The following PTTG1IP variants were observed in gnomAD, a reference collection of about 807,000 sequenced individuals.
The protein encoded by PTTG1IP is pituitary tumor-transforming gene 1 protein-interacting protein.
In PTTG1IP, 16 loss-of-function variants were observed where a neutral mutation model predicts 24.4. The ratio of observed to expected loss-of-function variants is 0.66; its 90% CI spans 0.44 to 1.00. The LOEUF (loss-of-function observed/expected upper bound fraction) is 1.00, where lower values mean the gene tolerates loss of function less well. Among genes scored for constraint, PTTG1IP ranks in the 50% least tolerant of loss-of-function variants. The probability of loss-of-function intolerance (pLI) is 0.00; values close to 1 mark genes in which losing one functional copy is unlikely to be tolerated. For missense variants in PTTG1IP, 241 were observed against 245.8 expected (o/e 0.98, Z 0.13); for synonymous variants, 89 against 96.8 (o/e 0.92, Z 0.47).
chr21:44,861,136 A>C (rs762401175), intron 3 of PTTG1IP, 27 bp downstream of exon 3: 41 of 1,583,158 alleles, frequency 2.6e-5, no homozygotes, highest in Non-Finnish European at 3.5e-5. Context: ...TCGATTTTGC[A>C]AGCAGCAAAT....
chr21:44,856,144 C>A, intron 4 of PTTG1IP, 49 bp downstream of exon 4: 2 of 1,613,508 alleles, frequency 1.2e-6, no homozygotes, highest in South Asian at 2.2e-5. Flanking sequence ...CCTTGCAGAT[C>A]TGAATCCCCT....
rs192517426 is a variant in PTTG1IP at position 44,858,290 on chromosome 21, A to G, written c.278-1926T>C. Among the ~76,000 whole-genome samples, 3 of 152,344 alleles carry G rather than the reference A, an allele frequency of 2.0e-5. No homozygotes were observed. The East Asian group carries it at 5.8e-4, about 29-fold the overall frequency. ...ATAAAATGGTTCTAAGGTTACCTGT[A>G]AGAATAAACAAGGACCTGTGGTGCA... On this transcript the variant is annotated intron_variant, in intron 3 of 5. Coordinates refer to ENST00000330938, the MANE Select transcript of PTTG1IP (RefSeq NM_004339.4).
chr21:44,852,025 T>G (rs143327815), intron 5 of PTTG1IP, among the ~76,000 whole-genome samples: 1 of 152,318 alleles, frequency 6.6e-6, no homozygotes, highest in African/African-American at 2.4e-5. Context: ...CAGAAAGAAC[T>G]AAGATGACCA....
At chr21:44,873,233 G>C (rs577523215) in intron 1 of PTTG1IP, among the ~76,000 whole-genome samples, 1 of 152,250 alleles carries the variant, frequency 6.6e-6, no homozygotes, top group Non-Finnish European at 1.5e-5. Context: ...CCGAGGCCAC[G>C]CGCGAGGAGC....
In PTTG1IP at chr21:44,856,295, C is replaced by T; in HGVS notation, c.347G>A (p.Cys116Tyr). 2 of 1,614,128 alleles carry T rather than the reference C, an allele frequency of 1.2e-6. No homozygotes were observed. Among genetic ancestry groups the T allele is most frequent in the Non-Finnish European group, 1.7e-6 (2 of 1,179,960 alleles). ...CTTCCTCCTGCAGCAGCAGCAGCAGCAGATGGCAATGCCCAGGAGGAGGGT... is the reference window on the plus strand; with the variant it reads ...CTTCCTCCTGCAGCAGCAGCAGCAGTAGATGGCAATGCCCAGGAGGAGGGT... ...GGTLLLGIAI[C>Y]CCCCCRRKRS... The change falls in exon 4 of 6, where the codon TGC becomes TAC. Residue 116 changes from cysteine to tyrosine, a missense_variant. Transcript: ENST00000330938.
chr21:44,869,977 C>T (rs2083571103), intron 1 of PTTG1IP, among the ~76,000 whole-genome samples: 1 of 152,224 alleles, frequency 6.6e-6, no homozygotes, highest in African/African-American at 2.4e-5. Flanking sequence ...ACACCGTCAA[C>T]TCCATCTATC....
At chr21:44,855,169 G>A (rs756578444) in intron 5 of PTTG1IP, 41 bp downstream of exon 5, 29 of 1,569,366 alleles carry the variant, frequency 1.8e-5, no homozygotes, top group African/African-American at 5.4e-5. Context: ...GCGTGCCATC[G>A]CCTCCCAACC....
At chr21:44,872,454 G>A (rs2083594978) in intron 1 of PTTG1IP, among the ~76,000 whole-genome samples, 1 of 152,170 alleles carries the variant, frequency 6.6e-6, no homozygotes, top group Non-Finnish European at 1.5e-5. Context: ...GCTGGGCCCA[G>A]GTCAACCCTA....
intron 2 of PTTG1IP, among the ~76,000 whole-genome samples, chr21:44,862,858 T>C (rs964604687): frequency 2.6e-5 from 4 of 152,334 alleles, no homozygotes; most frequent in Admixed American, 2.6e-4. Context: ...TCAGGGGTTT[T>C]GCTTGCAATT....
At chr21:44,858,683 G>A (rs1383369214) in intron 3 of PTTG1IP, among the ~76,000 whole-genome samples, 1 of 152,368 alleles carries the variant, frequency 6.6e-6, no homozygotes, top group East Asian at 1.9e-4. Flanking sequence ...GCAGGGCTGG[G>A]TGTTGTGTGT....
At position 44,873,617 on chromosome 21, in the gene PTTG1IP, G is replaced by A. The variant is rs764476945; in HGVS notation, c.-1C>T. The stretch of plus-strand genomic sequence containing the variant: ...GCCCGCGGGCCACTCCGGGCGCCAT[G>A]GTCGGCCGGTCGCTCTATCAGTCAG... On this transcript the variant is annotated 5_prime_UTR_variant, in exon 1 of 6. Transcript: ENST00000330938. 2.1e-6 allele frequency: 3 copies of A among 1,424,722 alleles called. No homozygotes were observed. The highest frequency in any genetic ancestry group is 2.7e-6 in the Non-Finnish European group (3 of 1,091,252). 88.3% of individuals were successfully genotyped at this position (1,424,722 alleles called of 1,614,324 possible).
chr21:44,857,585 C>T (rs574046683), intron 3 of PTTG1IP, among the ~76,000 whole-genome samples: 3 of 152,346 alleles, frequency 2.0e-5, no homozygotes, highest in African/African-American at 4.8e-5. Flanking sequence ...TTTTTAACTA[C>T]AGTTAATAGC....
chr21:44,870,291 A>G (rs9984246), intron 1 of PTTG1IP, among the ~76,000 whole-genome samples: 15,325 of 152,242 alleles, frequency 0.1, 2,535 homozygotes, highest in African/African-American at 0.35. Context: ...CTGTAATCCC[A>G]AAACTTTGGG....
chr21:44,851,697 A>C lies in PTTG1IP; in HGVS notation c.497-70T>G. The C allele has an allele frequency of 2.0e-6, 3 of 1,495,748 alleles. No individual in the cohort carries two copies. The South Asian group carries it at 4.0e-5, about 20-fold the overall frequency. 92.7% of individuals were successfully genotyped at this position (1,495,748 alleles called of 1,614,324 possible). Reference sequence around the variant, plus strand: ...GAAACAAAATCTTAGAAAGCCATACAAACCAAGCTTTATAAGAAGATTTAC... The same window carrying C: ...GAAACAAAATCTTAGAAAGCCATACCAACCAAGCTTTATAAGAAGATTTAC... On this transcript the variant is annotated intron_variant, in intron 5 of 5. Transcript: ENST00000330938.
At chr21:44,859,873 G>A (rs1337596685) in intron 3 of PTTG1IP, among the ~76,000 whole-genome samples, 2 of 152,154 alleles carry the variant, frequency 1.3e-5, no homozygotes, top group East Asian at 3.8e-4. Context: ...TAGAAGAGTG[G>A]TAAGTAAGAC....
At position 44,873,679 on chromosome 21, in the gene PTTG1IP, TC is replaced by T; in HGVS notation, c.-64del. On this transcript the variant is annotated 5_prime_UTR_variant, in exon 1 of 6. Transcript: ENST00000330938. Reference sequence around the variant, plus strand: ...AACTCCGACTCCAGCACAAGCGGTCTCCGCCCGGAACAGCCGCGGCGCCGGA... The same window carrying T: ...AACTCCGACTCCAGCACAAGCGGTCTCGCCCGGAACAGCCGCGGCGCCGGA... The T allele has an allele frequency of 7.7e-7, 1 of 1,296,266 alleles. No individual in the cohort carries two copies. Among genetic ancestry groups the T allele is most frequent in the Middle Eastern group, 2.0e-4 (1 of 5,030 alleles). The allele number at this position is 1,296,266 out of a possible 1,614,324, so 80.3% of individuals were successfully genotyped here. A position where few individuals can be genotyped will look rare whatever the true frequency, so the allele number is the denominator to read the frequency against.
At chr21:44,861,631 C>T (rs970282197) in intron 2 of PTTG1IP, 3 of 688,924 alleles carry the variant, frequency 4.4e-6, no homozygotes, top group African/African-American at 3.5e-5. Flanking sequence ...GCCTGGAGCA[C>T]TCTCCCCACA....
intron 5 of PTTG1IP, 52 bp downstream of exon 5, chr21:44,855,158 A>AG: frequency 6.5e-7 from 1 of 1,539,624 alleles, no homozygotes; most frequent in Non-Finnish European, 9.0e-7. Flanking sequence ...GGACCGAGAC[A>AG]GCGTGCCATC....
intron 5 of PTTG1IP, among the ~76,000 whole-genome samples, chr21:44,854,301 A>C (rs1341908499): frequency 6.6e-6 from 1 of 152,220 alleles, no homozygotes; most frequent in Non-Finnish European, 1.5e-5. Flanking sequence ...GAAATTTTCC[A>C]ATTAGGTTTA....
Sources: allele counts gnomAD v4.1 joint callset (sites outside exome capture counted in the v4.1 genomes callset), GRCh38; gene constraint gnomAD v4.1.1; transcripts MANE v1.5; gene names NCBI Gene and HGNC (gene_info 2026-07-23, HGNC 2026-07-21).